Variants in ECT2L observed in about 807,000 individuals in gnomAD.
ECT2L encodes epithelial cell-transforming sequence 2 oncogene-like.
In ECT2L, 126 loss-of-function variants were observed where a neutral mutation model predicts 122.8. That is an observed-to-expected ratio of 1.03 (90% CI 0.89 to 1.19). ECT2L has a LOEUF of 1.19. ECT2L is among the 50% of genes most tolerant of loss of function. The probability of loss-of-function intolerance (pLI) is 0.00; values close to 1 mark genes in which losing one functional copy is unlikely to be tolerated. For missense variants in ECT2L, 1,012 were observed against 1,064.1 expected, an observed-to-expected ratio of 0.95 and a Z score of 0.68; for synonymous variants, 385 against 381.8, an observed-to-expected ratio of 1.01 and a Z score of -0.10.
intron 9 of ECT2L, among the ~76,000 whole-genome samples, chr6:138,850,942 G>A (rs554805544): frequency 2.0e-4 from 29 of 143,628 alleles, no homozygotes; most frequent in East Asian, 1.0e-3. Context: ...CGGACGTCGC[G>A]GTGAGCCAAG....
chr6:138,803,221 C>T (rs1168982340), intron 1 of ECT2L, among the ~76,000 whole-genome samples: 1 of 151,154 alleles, frequency 6.6e-6, no homozygotes, highest in Non-Finnish European at 1.5e-5. Context: ...TGCCAAAGCA[C>T]TCCAGTCTGA....
intron 14 of ECT2L, among the ~76,000 whole-genome samples, chr6:138,878,692 C>A (rs1409620746): frequency 1.3e-5 from 2 of 152,186 alleles, no homozygotes; most frequent in Non-Finnish European, 2.9e-5. Flanking sequence ...GGTGATCCAC[C>A]CGCCTCAGCC....
chr6:138,844,572 G>A lies in ECT2L; in HGVS notation c.756G>A (p.Leu252=), dbSNP rs756220139. 2.0e-5 allele frequency: 33 copies of A among 1,613,980 alleles called. No homozygotes were observed. The highest frequency in any genetic ancestry group is 3.3e-5 in the South Asian group (3 of 91,082). Residue 252 remains leucine, a synonymous_variant, in exon 7 of 22, where the codon TTG becomes TTA. Coordinates refer to ENST00000541398, the MANE Select transcript of ECT2L (RefSeq NM_001077706.3). ...KQLVLTSLET[L]PKRSNISGSH... ...TTGTTTTGACATCGTTAGAAACCTT[G>A]CCCAAGCGGTAAGCAAAATTCCATC...
At chr6:138,892,659 A>G (rs926409273) in intron 20 of ECT2L, among the ~76,000 whole-genome samples, 1 of 151,958 alleles carries the variant, frequency 6.6e-6, no homozygotes, top group African/African-American at 2.4e-5. Context: ...ACGTCTGGCT[A>G]ATTTTTGTAT....
intron 18 of ECT2L, among the ~76,000 whole-genome samples, chr6:138,886,303 C>T (rs1210918972): frequency 6.6e-6 from 1 of 152,182 alleles, no homozygotes; most frequent in Non-Finnish European, 1.5e-5. Flanking sequence ...AAACAGGCAT[C>T]TGGGCTGAAT....
chr6:138,890,492 C>CTTTTTT (rs552594959), intron 20 of ECT2L, among the ~76,000 whole-genome samples: 915 of 78,898 alleles, frequency 0.012, 113 homozygotes, highest in East Asian at 0.04. Flanking sequence ...TTTCTTTGAT[C>CTTTTTT]TTTTTTTTTT....
At chr6:138,884,013 G>A (rs1048461089) in intron 16 of ECT2L, among the ~76,000 whole-genome samples, 1 of 152,072 alleles carries the variant, frequency 6.6e-6, no homozygotes, top group African/African-American at 2.4e-5. Flanking sequence ...ACAGGCATGT[G>A]CCACCACACC....
intron 1 of ECT2L, among the ~76,000 whole-genome samples, chr6:138,812,105 T>C (rs567671482): frequency 6.6e-6 from 1 of 152,320 alleles, no homozygotes; most frequent in South Asian, 2.1e-4. Flanking sequence ...TCTCTGTTTC[T>C]GCATGCACAT....
intron 20 of ECT2L, among the ~76,000 whole-genome samples, chr6:138,895,098 G>A (rs1372206359): frequency 6.6e-6 from 1 of 151,510 alleles, no homozygotes; most frequent in East Asian, 1.9e-4. Context: ...GTCTCTACAG[G>A]GGAAAAAAAA....
intron 16 of ECT2L, among the ~76,000 whole-genome samples, chr6:138,883,266 T>A (rs1187089329): frequency 6.6e-6 from 1 of 152,222 alleles, no homozygotes; most frequent in African/African-American, 2.4e-5. Flanking sequence ...GGAAGAACAA[T>A]CAATTTATGA....
chr6:138,854,985 T>C (rs79347592), intron 10 of ECT2L, among the ~76,000 whole-genome samples: 2,393 of 151,728 alleles, frequency 0.016, 52 homozygotes, highest in African/African-American at 0.055. Flanking sequence ...TTTTTTTTTG[T>C]TGTTGTTGTT....
At chr6:138,877,576 T>C (rs997886147) in intron 14 of ECT2L, among the ~76,000 whole-genome samples, 2 of 152,202 alleles carry the variant, frequency 1.3e-5, no homozygotes, top group African/African-American at 4.8e-5. Context: ...CCAAGTAGGA[T>C]GCAGATGTAT....
intron 11 of ECT2L, among the ~76,000 whole-genome samples, chr6:138,863,482 A>T (rs1014882568): frequency 6.6e-6 from 1 of 152,256 alleles, no homozygotes; most frequent in Non-Finnish European, 1.5e-5. Flanking sequence ...AGCAGAGGTC[A>T]CTTGCTAATT....
At position 138,902,667 on chromosome 6, in the gene ECT2L, G is replaced by A. The variant is rs1779444822; in HGVS notation, c.*40G>A. On this transcript the variant is annotated 3_prime_UTR_variant, in exon 22 of 22. Transcript: ENST00000541398. ...ACTTCAGGGGTGCCAATTCTCCCCA[G>A]CAAAGACAGACAACATGTATTTTCT... The A allele has an allele frequency of 1.2e-6, 2 of 1,608,882 alleles. No individual in the cohort carries two copies. Among genetic ancestry groups the A allele is most frequent in the Non-Finnish European group, 8.5e-7 (1 of 1,177,588 alleles).
intron 13 of ECT2L, among the ~76,000 whole-genome samples, chr6:138,872,268 C>T (rs1582641043): frequency 6.6e-6 from 1 of 152,320 alleles, no homozygotes; most frequent in Middle Eastern, 3.4e-3. Flanking sequence ...GGCAATTCCT[C>T]ATCTTTTTAG....
chr6:138,803,317 TACACACACACAC>T (rs4052918), intron 1 of ECT2L, among the ~76,000 whole-genome samples: 20 of 148,590 alleles, frequency 1.3e-4, no homozygotes, highest in African/African-American at 3.9e-4. Flanking sequence ...TATATGCATG[TACACACACACAC>T]ACACACACAC....
At chr6:138,822,554 CATAA>C (rs200704042) in intron 4 of ECT2L, among the ~76,000 whole-genome samples, 6 of 151,680 alleles carry the variant, frequency 4.0e-5, no homozygotes, top group African/African-American at 7.3e-5. Flanking sequence ...GAGACCCTGT[CATAA>C]ATAAATAAAT....
chr6:138,846,749 A>G (rs1455759514), intron 8 of ECT2L, 72 bp downstream of exon 8: 1 of 1,352,688 alleles, frequency 7.4e-7, no homozygotes, highest in Non-Finnish European at 9.6e-7. Context: ...TCTAGACTAG[A>G]GGGTGTGTGA....
At chr6:138,862,937 AATC>A (rs1284872339) in intron 11 of ECT2L, among the ~76,000 whole-genome samples, 1 of 152,212 alleles carries the variant, frequency 6.6e-6, no homozygotes. Flanking sequence ...ATTTGCCCCA[AATC>A]ATCATTTTCA....
Sources: gnomAD v4.1 joint callset for allele counts (sites outside exome capture counted in the v4.1 genomes callset) on GRCh38, gnomAD v4.1.1 for gene constraint, MANE v1.5 for transcripts, NCBI Gene and HGNC (gene_info 2026-07-23, HGNC 2026-07-21) for gene names.